ABCC5: variants seen among roughly 807,000 people sequenced by gnomAD.
ABCC5 encodes the protein ATP-binding cassette sub-family C member 5.
Under a neutral mutation model 160.9 loss-of-function variants are expected in ABCC5, and 61 were observed. The ratio of observed to expected loss-of-function variants is 0.38; its 90% CI spans 0.31 to 0.47. The LOEUF (loss-of-function observed/expected upper bound fraction) is 0.47. Among genes scored for constraint, ABCC5 ranks in the 20% least tolerant of loss-of-function variants. The pLI, the probability that ABCC5 is intolerant of heterozygous loss-of-function variation, is 0.99. For missense variants in ABCC5, 1,308 were observed against 1,813.3 expected (o/e 0.72, Z 5.06); for synonymous variants, 666 against 700.6 (o/e 0.95, Z 0.78).
At chr3:183,976,815 T>A (rs991225952) in intron 10 of ABCC5, among the ~76,000 whole-genome samples, 3 of 152,140 alleles carry the variant, frequency 2.0e-5, no homozygotes, top group South Asian at 2.1e-4. Context: ...AGTGGCAACA[T>A]CAAGGAATTC....
At chr3:183,974,356 G>A (rs1718029806) in intron 10 of ABCC5, among the ~76,000 whole-genome samples, 2 of 152,140 alleles carry the variant, frequency 1.3e-5, no homozygotes, top group African/African-American at 4.8e-5. Flanking sequence ...CACCCAGGCT[G>A]GAATGCAGTG....
chr3:183,928,358 T>C (rs987823481), intron 27 of ABCC5, among the ~76,000 whole-genome samples: 1 of 152,126 alleles, frequency 6.6e-6, no homozygotes, highest in Non-Finnish European at 1.5e-5. Context: ...GTGATCCACC[T>C]GCCTCGGCCT....
At chr3:183,939,721 G>A (rs1714103271) in intron 25 of ABCC5, among the ~76,000 whole-genome samples, 1 of 152,182 alleles carries the variant, frequency 6.6e-6, no homozygotes, top group Non-Finnish European at 1.5e-5. Flanking sequence ...TCTCTACAGA[G>A]CCAAAAAGAA....
At chr3:183,985,722 T>G (rs1480678114) in intron 5 of ABCC5, 3 of 354,362 alleles carry the variant, frequency 8.5e-6, no homozygotes, top group Non-Finnish European at 1.6e-5. Context: ...AGGACCACAC[T>G]GTTAGAGATT....
chr3:183,922,078 T>A (rs552559665), intron 29 of ABCC5, among the ~76,000 whole-genome samples: 20 of 127,564 alleles, frequency 1.6e-4, no homozygotes, highest in East Asian at 1.0e-3. Flanking sequence ...AATAAATAAA[T>A]AAAAAACAAC....
At position 183,951,604 on chromosome 3, in the gene ABCC5, G is replaced by A. The variant is rs1259680503; in HGVS notation, c.2815-34C>T. 2 of 1,610,700 alleles carry A rather than the reference G, an allele frequency of 1.2e-6. No individual in the cohort carries two copies. The highest frequency in any genetic ancestry group is 4.5e-5 in the East Asian group (2 of 44,838). Reference sequence around the variant, plus strand: ...CAGAGCACAGAGTGGTCAGGGCCCAGGGACGGCTCTGTTCCTACTGGTCCA... The same window carrying A: ...CAGAGCACAGAGTGGTCAGGGCCCAAGGACGGCTCTGTTCCTACTGGTCCA... On this transcript the variant is annotated intron_variant, in intron 19 of 29. Coordinates refer to ENST00000334444, the MANE Select transcript of ABCC5 (RefSeq NM_005688.4). This position sits in a 1 kb window ranked among gnomAD's most constrained non-coding sequence, Gnocchi z 4.7.
rs370515016 is a variant in ABCC5 at position 183,963,705 on chromosome 3, G to A, written c.2032-117C>T. Reference sequence around the variant, plus strand: ...GACCAGCTCCTTCTGTCAATTCCCCGCAGATGAACTGCCATGCTGATTCCC... The same window carrying A: ...GACCAGCTCCTTCTGTCAATTCCCCACAGATGAACTGCCATGCTGATTCCC... On this transcript the variant is annotated intron_variant, in intron 14 of 29. Coordinates refer to ENST00000334444, the MANE Select transcript of ABCC5 (RefSeq NM_005688.4). This position sits in a 1 kb window ranked among gnomAD's most constrained non-coding sequence, Gnocchi z 4.6. 3.4e-5 allele frequency: 30 copies of A among 872,088 alleles called. No homozygotes were observed. Among genetic ancestry groups the A allele is most frequent in the African/African-American group, 2.3e-4 (7 of 30,630 alleles). The allele number at this position is 872,088 out of a possible 1,614,324, so 54.0% of individuals were successfully genotyped here. A position where few individuals can be genotyped will look rare whatever the true frequency, so the allele number is the denominator to read the frequency against.
At chr3:183,927,303 G>C (rs368371549) in intron 28 of ABCC5, 27 bp downstream of exon 28, 39 of 1,606,790 alleles carry the variant, frequency 2.4e-5, no homozygotes, top group Non-Finnish European at 3.1e-5. Context: ...CCCATTCTCT[G>C]CTGCTGCCAA....
At chr3:183,975,291 TAAG>T (rs1160696848) in intron 10 of ABCC5, among the ~76,000 whole-genome samples, 3 of 152,166 alleles carry the variant, frequency 2.0e-5, no homozygotes, top group Non-Finnish European at 4.4e-5. Flanking sequence ...CATCTGAAGA[TAAG>T]AAGAAAGAAC....
intron 12 of ABCC5, among the ~76,000 whole-genome samples, chr3:183,966,084 T>C (rs1717195548): frequency 6.6e-6 from 1 of 152,244 alleles, no homozygotes; most frequent in Non-Finnish European, 1.5e-5. Flanking sequence ...TGGTTTGATA[T>C]GAATTGACTT....
At chr3:183,984,011 T>G in intron 5 of ABCC5, 2 of 985,376 alleles carry the variant, frequency 2.0e-6, no homozygotes, top group Non-Finnish European at 2.4e-6. Context: ...CAGCACTCAA[T>G]CAGTGAGGGC....
At chr3:183,995,032 G>A (rs1720149851) in intron 2 of ABCC5, among the ~76,000 whole-genome samples, 1 of 151,588 alleles carries the variant, frequency 6.6e-6, no homozygotes, top group South Asian at 2.1e-4. Context: ...TTTTTATTTT[G>A]TGGAGACAGC....
At chr3:183,937,860 T>G in intron 26 of ABCC5, 41 bp downstream of exon 26, 1 of 1,607,242 alleles carries the variant, frequency 6.2e-7, no homozygotes, top group Non-Finnish European at 8.5e-7. Flanking sequence ...TCATCTGGCC[T>G]CTAAGTGACG....
At chr3:184,009,596 A>C (rs1426590675) in intron 2 of ABCC5, among the ~76,000 whole-genome samples, 1 of 152,230 alleles carries the variant, frequency 6.6e-6, no homozygotes, top group Non-Finnish European at 1.5e-5. Flanking sequence ...AAAGATAAAT[A>C]CATCTGAGAA....
Position 183,965,581 on chromosome 3 carries a change from T to C in ABCC5, c.1834-80A>G, listed in dbSNP as rs16858289. The C allele has an allele frequency of 3.3e-3, 5,115 of 1,573,188 alleles. 55 individuals are homozygous for C. Among genetic ancestry groups the C allele is most frequent in the African/African-American group, 0.027 (1,981 of 74,108 alleles). On this transcript the variant is annotated intron_variant, in intron 12 of 29. Coordinates refer to ENST00000334444, the MANE Select transcript of ABCC5 (RefSeq NM_005688.4). Reference sequence around the variant, plus strand: ...CCAACGGAACCCCCACCTTCCACAATGGAATCTAGCTCTGGTAATTTCCCG... The same window carrying C: ...CCAACGGAACCCCCACCTTCCACAACGGAATCTAGCTCTGGTAATTTCCCG...
intron 10 of ABCC5, among the ~76,000 whole-genome samples, chr3:183,973,435 A>T (rs924039050): frequency 2.6e-5 from 4 of 152,124 alleles, no homozygotes; most frequent in African/African-American, 7.2e-5. Context: ...ATCTTAATTT[A>T]AAAAAATTTT....
rs1219396300 is a variant in ABCC5 at position 183,920,639 on chromosome 3, A to C, written c.*661T>G. 6.5e-6 allele frequency: 1 copy of C among 152,716 alleles called. No individual in the cohort carries two copies. The highest frequency in any genetic ancestry group is 1.5e-5 in the Non-Finnish European group (1 of 68,068). The allele number at this position is 152,716 out of a possible 1,614,324, so 9.5% of individuals were successfully genotyped here. A position where few individuals can be genotyped will look rare whatever the true frequency, so the allele number is the denominator to read the frequency against. On this transcript the variant is annotated 3_prime_UTR_variant, in exon 30 of 30. Coordinates refer to ENST00000334444, the MANE Select transcript of ABCC5 (RefSeq NM_005688.4). The surrounding 1 kb of genome is among the most constrained non-coding windows in gnomAD (Gnocchi z 4.1). ...GAAACAGTAAGTGACACCAGGACAGAAGGCAGGAGCCCTGAGAACTCACGG... is the reference window on the plus strand; with the variant it reads ...GAAACAGTAAGTGACACCAGGACAGCAGGCAGGAGCCCTGAGAACTCACGG...
chr3:183,982,496 T>C lies in ABCC5; in HGVS notation c.954A>G (p.Thr318=). The change falls in exon 7 of 30, where the codon ACA becomes ACG. Residue 318 remains threonine, a synonymous_variant. Transcript: ENST00000334444. The surrounding 1 kb of genome is among the most constrained non-coding windows in gnomAD (Gnocchi z 5.2). ...TAAAAACAGCTGATCCCAGGAAGCC[T>C]GTTGGTCCCAGAATAATTACATTAT... ...MIYNVIILGP[T]GFLGSAVFIL... The C allele has an allele frequency of 1.9e-6, 3 of 1,614,172 alleles. No homozygotes were observed. Among genetic ancestry groups the C allele is most frequent in the Non-Finnish European group, 2.5e-6 (3 of 1,180,028 alleles).
In ABCC5 at chr3:183,951,199, T is replaced by C. The variant is rs2108796676; in HGVS notation, c.2944+242A>G. Among the ~76,000 whole-genome samples the C allele has an allele frequency of 6.6e-6, 1 of 152,320 alleles. No individual in the cohort carries two copies. The highest frequency in any genetic ancestry group is 1.9e-4 in the East Asian group (1 of 5,184). ...GAAACCAATGCATTGCTTTAAAATC[T>C]GTGTGTGTTTCAGAATCTCAGATGC... On this transcript the variant is annotated intron_variant, in intron 20 of 29. Transcript: ENST00000334444. This position sits in a 1 kb window ranked among gnomAD's most constrained non-coding sequence, Gnocchi z 4.7.
Sources: allele counts gnomAD v4.1 joint callset (sites outside exome capture counted in the v4.1 genomes callset), GRCh38; gene constraint gnomAD v4.1.1; non-coding constraint Gnocchi (gnomAD v3.1); transcripts MANE v1.5; gene names NCBI Gene and HGNC (gene_info 2026-07-23, HGNC 2026-07-21).